The following GRAMD4 variants were observed in gnomAD, a reference collection of about 807,000 sequenced individuals.
The protein encoded by GRAMD4 is GRAM domain containing 4.
A neutral mutation model predicts 83.9 loss-of-function variants in GRAMD4; 25 were observed. The ratio of observed to expected loss-of-function variants is 0.30; its 90% CI spans 0.22 to 0.42. The LOEUF is 0.42. Among genes scored for constraint, GRAMD4 ranks in the 10% least tolerant of loss-of-function variants. GRAMD4 has a pLI of 1.00. For synonymous variants in GRAMD4, 336 were observed against 320.9 expected, an observed-to-expected ratio of 1.05 and a Z score of -0.50; for missense variants, 593 against 788.7, an observed-to-expected ratio of 0.75 and a Z score of 2.97.
chr22:46,682,360 G>A (rs1402475867), downstream of GRAMD4: 1 of 846,164 alleles, frequency 1.2e-6, no homozygotes, highest in Non-Finnish European at 1.4e-6. Context: ...AAGACATTCA[G>A]CTGTTACTAT....
At chr22:46,677,083 C>CGGTCCT (rs928829980) in intron 18 of GRAMD4, 64 bp from the exon 19 acceptor site, 10 of 1,593,726 alleles carry the variant, frequency 6.3e-6, no homozygotes, top group Non-Finnish European at 8.5e-6. Context: ...GACTTCGTCT[C>CGGTCCT]GGTCCTGGTC....
chr22:46,673,127 A>G, intron 14 of GRAMD4, 130 bp downstream of exon 14: 3 of 776,318 alleles, frequency 3.9e-6, no homozygotes, highest in South Asian at 3.8e-5. Flanking sequence ...AGACTCCTTA[A>G]ACTTGAGGGT....
chr22:46,624,418 TC>T (rs2033512954), intron 1 of GRAMD4, among the ~76,000 whole-genome samples: 1 of 132,664 alleles, frequency 7.5e-6, no homozygotes, highest in Admixed American at 9.0e-5. Flanking sequence ...AAGCTCCGCC[TC>T]CCGGGTTCAA....
At chr22:46,656,752 C>T (rs2082250422) in intron 3 of GRAMD4, among the ~76,000 whole-genome samples, 3 of 152,380 alleles carry the variant, frequency 2.0e-5, no homozygotes, top group Middle Eastern at 3.4e-3. Context: ...TCATCAGCCA[C>T]GTTCCTTTGT....
chr22:46,637,105 C>A (rs1448601814), intron 2 of GRAMD4, among the ~76,000 whole-genome samples: 2 of 152,258 alleles, frequency 1.3e-5, no homozygotes, highest in East Asian at 3.9e-4. Flanking sequence ...CGTGGAGGCG[C>A]CCGCAGCCTC....
At chr22:46,587,351 A>G (rs2081160811) in intron 1 of GRAMD4, among the ~76,000 whole-genome samples, 1 of 152,126 alleles carries the variant, frequency 6.6e-6, no homozygotes, top group Admixed American at 6.5e-5. Context: ...TGTCAGGTTT[A>G]AGTGTGTGGG....
At position 46,678,896 on chromosome 22, in the gene GRAMD4, C is replaced by T. The variant is rs530061245; in HGVS notation, c.*1645C>T. 8.1e-6 allele frequency: 8 copies of T among 985,904 alleles called. No individual in the cohort carries two copies. In the South Asian group the frequency reaches 3.8e-4, roughly 46 times the overall value. The allele number at this position is 985,904 out of a possible 1,614,324, so 61.1% of individuals were successfully genotyped here. A position where few individuals can be genotyped will look rare whatever the true frequency, so the allele number is the denominator to read the frequency against. ...CTATCCCAGGCGGTGGAGCGGAGCCCCCGTGGCTCTGGACTGCGCGGACGT... is the reference window on the plus strand; with the variant it reads ...CTATCCCAGGCGGTGGAGCGGAGCCTCCGTGGCTCTGGACTGCGCGGACGT... On this transcript the variant is annotated 3_prime_UTR_variant, in exon 19 of 19. Coordinates refer to ENST00000406902, the MANE Select transcript of GRAMD4 (RefSeq NM_015124.5).
At chr22:46,639,618 G>A (rs2081945442) in intron 3 of GRAMD4, among the ~76,000 whole-genome samples, 2 of 151,900 alleles carry the variant, frequency 1.3e-5, no homozygotes, top group South Asian at 4.2e-4. Flanking sequence ...ATGCCCGTGT[G>A]CAGTGGTGGT....
intron 18 of GRAMD4, 91 bp from the exon 19 acceptor site, chr22:46,677,056 G>A: frequency 6.7e-7 from 1 of 1,482,786 alleles, no homozygotes; most frequent in Non-Finnish European, 9.3e-7. Flanking sequence ...TAGCGTGCTG[G>A]CCTGGGGCTG....
chr22:46,586,416 GTCCCCTCCTCTGTCTGCCC>G (rs943602968), intron 1 of GRAMD4, among the ~76,000 whole-genome samples: 1 of 151,892 alleles, frequency 6.6e-6, no homozygotes, highest in Non-Finnish European at 1.5e-5. Context: ...GAGGGGCTCT[GTCCCCTCCTCTGTCTGCCC>G]TCCCCTCCCC....
At chr22:46,577,509 G>A (rs2081054979) in intron 1 of GRAMD4, among the ~76,000 whole-genome samples, 1 of 151,068 alleles carries the variant, frequency 6.6e-6, no homozygotes, top group Admixed American at 6.6e-5. Flanking sequence ...GCTCCCCGCG[G>A]GCACCTGCGG....
intron 2 of GRAMD4, among the ~76,000 whole-genome samples, chr22:46,635,223 G>A (rs868275797): frequency 8.7e-4 from 61 of 69,918 alleles, no homozygotes; most frequent in African/African-American, 1.9e-3. Flanking sequence ...CTGTCCTGGG[G>A]GACCGTGTCC....
intron 17 of GRAMD4, 28 bp from the exon 18 acceptor site, chr22:46,676,572 G>A: frequency 6.5e-7 from 1 of 1,545,216 alleles, no homozygotes; most frequent in African/African-American, 1.4e-5. Flanking sequence ...GGAGAGACCT[G>A]TGGTGACGGC....
Position 46,665,549 on chromosome 22 carries a change from G to A in GRAMD4, c.718-66G>A, listed in dbSNP as rs758387449. On this transcript the variant is annotated intron_variant, in intron 8 of 18. Coordinates refer to ENST00000406902, the MANE Select transcript of GRAMD4 (RefSeq NM_015124.5). ...CTGGGGCCGCCTGGTGGGGGGAGGC[G>A]GGAGGGATGTGCCTTGTCCTGATCC... 2.1e-5 allele frequency: 18 copies of A among 857,700 alleles called. 1 individual carries two copies. The highest frequency in any genetic ancestry group is 2.9e-5 in the Non-Finnish European group (15 of 516,408). 53.1% of individuals were successfully genotyped at this position (857,700 alleles called of 1,614,324 possible). A position where few individuals can be genotyped will look rare whatever the true frequency, so the allele number is the denominator to read the frequency against.
chr22:46,637,743 C>T, intron 2 of GRAMD4, 97 bp from the exon 3 acceptor site: 4 of 1,334,622 alleles, frequency 3.0e-6, no homozygotes, highest in Non-Finnish European at 4.1e-6. Flanking sequence ...GCCACTGCTG[C>T]CATCCTGGGG....
intron 1 of GRAMD4, among the ~76,000 whole-genome samples, chr22:46,624,643 G>A (rs960642422): frequency 2.0e-5 from 3 of 151,982 alleles, no homozygotes; most frequent in African/African-American, 7.2e-5. Context: ...TTTCTTTTAA[G>A]GTTTGTGTGT....
chr22:46,636,051 C>CTGGGGCTT (rs2081882272), intron 2 of GRAMD4, among the ~76,000 whole-genome samples: 1 of 151,968 alleles, frequency 6.6e-6, no homozygotes, highest in Non-Finnish European at 1.5e-5. Flanking sequence ...CGTTTAGCCC[C>CTGGGGCTT]CGGGGTCTGT....
intron 3 of GRAMD4, among the ~76,000 whole-genome samples, chr22:46,642,391 T>A (rs1475321199): frequency 6.6e-6 from 1 of 152,222 alleles, no homozygotes; most frequent in East Asian, 1.9e-4. Context: ...TTCATACAGA[T>A]AATTCTATTG....
In GRAMD4 at chr22:46,673,005, C is replaced by T. The variant is rs753811441; in HGVS notation, c.1239+8C>T. The T allele has an allele frequency of 2.6e-5, 41 of 1,576,606 alleles. No homozygotes were observed. The East Asian group carries it at 3.0e-4, about 11-fold the overall frequency. The stretch of plus-strand genomic sequence containing the variant: ...GCCGCAGTCTCACGCAGGGTGAGCC[C>T]GGCCCCCAGCTGCGGGGATGGGGGG... On this transcript the variant is annotated splice_region_variant and intron_variant, in intron 14 of 18. Coordinates refer to ENST00000406902, the MANE Select transcript of GRAMD4 (RefSeq NM_015124.5).
Sources: gnomAD v4.1 joint callset for allele counts (sites outside exome capture counted in the v4.1 genomes callset) on GRCh38, gnomAD v4.1.1 for gene constraint, MANE v1.5 for transcripts, NCBI Gene and HGNC (gene_info 2026-07-23, HGNC 2026-07-21) for gene names.